The following ADAM7 variants were observed in gnomAD, a reference collection of about 807,000 sequenced individuals.
ADAM7 encodes the protein ADAM metallopeptidase domain 7, also known as disintegrin and metalloproteinase domain-containing protein 7.
In ADAM7, 97 loss-of-function variants were observed where a neutral mutation model predicts 102.9. The observed-to-expected ratio is 0.94, with a 90% CI of 0.80 to 1.12. The LOEUF is 1.12. ADAM7 is among the 50% of genes most tolerant of loss of function. The pLI is 0.00. For missense variants in ADAM7, 991 were observed against 908.7 expected, an observed-to-expected ratio of 1.09 and a Z score of -1.16; for synonymous variants, 334 against 304.4, an observed-to-expected ratio of 1.10 and a Z score of -1.01.
intron 20 of ADAM7, among the ~76,000 whole-genome samples, chr8:24,503,720 T>A: frequency 6.6e-6 from 1 of 152,136 alleles, no homozygotes; most frequent in East Asian, 1.9e-4. Flanking sequence ...GTTCATGTCC[T>A]TTGCAGGGAC....
At chr8:24,449,775 G>T (rs1336101880) in intron 3 of ADAM7, among the ~76,000 whole-genome samples, 1 of 152,096 alleles carries the variant, frequency 6.6e-6, no homozygotes, top group Non-Finnish European at 1.5e-5. Context: ...GGGTTTTTAT[G>T]GCTTTAGGTC....
At chr8:24,442,136 T>TC (rs558209592) in intron 1 of ADAM7, among the ~76,000 whole-genome samples, 3,179 of 152,272 alleles carry the variant, frequency 0.021, 55 homozygotes, top group Middle Eastern at 0.095. Flanking sequence ...ATCACGCCAC[T>TC]ACACTCCAGC....
chr8:24,445,719 C>G (rs1563370839), intron 2 of ADAM7, among the ~76,000 whole-genome samples: 2 of 152,184 alleles, frequency 1.3e-5, no homozygotes, highest in Non-Finnish European at 2.9e-5. Flanking sequence ...TTTTGCTTCT[C>G]TTTGTTCATA....
Position 24,463,866 on chromosome 8 carries a change from C to T in ADAM7, c.234-16C>T, listed in dbSNP as rs117555143. On this transcript the variant is annotated splice_polypyrimidine_tract_variant and intron_variant, in intron 3 of 21. Coordinates refer to ENST00000175238, the MANE Select transcript of ADAM7 (RefSeq NM_003817.4). ...AGAACGAACAAATCTCACCACCTGT[C>T]TGCCCTCTTTTTCAGGGAGTTCCTA... 6,222 of 1,605,480 alleles carry T rather than the reference C, an allele frequency of 3.9e-3. 24 individuals are homozygous for T. The highest frequency in any genetic ancestry group is 5.7e-3 in the South Asian group (521 of 90,844).
chr8:24,454,460 G>A (rs998519149), intron 3 of ADAM7, among the ~76,000 whole-genome samples: 2 of 152,198 alleles, frequency 1.3e-5, no homozygotes, highest in Non-Finnish European at 2.9e-5. Context: ...TCCGAGCCAG[G>A]TGCGGGATAT....
chr8:24,506,542 C>T (rs1450550557), intron 20 of ADAM7, among the ~76,000 whole-genome samples: 8 of 152,048 alleles, frequency 5.3e-5, no homozygotes, highest in Non-Finnish European at 1.0e-4. Context: ...GCCCCTGAGA[C>T]CAATGCTTCA....
At position 24,485,274 on chromosome 8, in the gene ADAM7, T is replaced by C. The variant is rs748812532; in HGVS notation, c.876-3T>C. 7 of 1,612,164 alleles carry C rather than the reference T, an allele frequency of 4.3e-6. No individual in the cohort carries two copies. The highest frequency in any genetic ancestry group is 1.3e-5 in the African/African-American group (1 of 74,822). On this transcript the variant is annotated splice_region_variant and splice_polypyrimidine_tract_variant and intron_variant, in intron 9 of 21. Transcript: ENST00000175238. ...GAAGACTATTTTTGCATCTTTTTCA[T>C]AGTGGGAAGTGGCTCTACTCACATG...
At chr8:24,482,514 A>G (rs1255887430) in intron 9 of ADAM7, among the ~76,000 whole-genome samples, 1 of 152,142 alleles carries the variant, frequency 6.6e-6, no homozygotes, top group African/African-American at 2.4e-5. Context: ...TTAGGAGACC[A>G]AAGTAGAAGG....
chr8:24,448,543 GT>G (rs1304106065), intron 3 of ADAM7, among the ~76,000 whole-genome samples: 1 of 152,098 alleles, frequency 6.6e-6, no homozygotes, highest in Admixed American at 6.6e-5. Context: ...GTGATTGGAT[GT>G]TTTTGTAATA....
At position 24,492,528 on chromosome 8, in the gene ADAM7, TG is replaced by T. The variant is rs1295302338; in HGVS notation, c.1587del (p.Met529IlefsTer94). 1.2e-6 allele frequency: 2 copies of T among 1,612,532 alleles called. No homozygotes were observed. The highest frequency in any genetic ancestry group is 2.2e-5 in the South Asian group (2 of 90,838). Reference sequence around the variant, plus strand: ...GAGAGTCATGATATCTGCTACAAGATGAATACAAAAGGAAATAAATTTGGAT... The same window carrying T: ...GAGAGTCATGATATCTGCTACAAGATAATACAAAAGGAAATAAATTTGGAT... Reference protein sequence around the residue: ...AIESHDICYKMNTKGNKFGYC... With the variant: ...AIESHDICYKXNTKGNKFGYC... On this transcript the variant is annotated frameshift_variant, in exon 15 of 22. Transcript: ENST00000175238. LOFTEE classifies it high-confidence loss of function.
rs780144262 is a variant in ADAM7, at chr8:24,493,071, A to T, written c.1684A>T (p.Thr562Ser). 2.5e-6 allele frequency: 4 copies of T among 1,606,264 alleles called. No homozygotes were observed. In the South Asian group the frequency reaches 3.3e-5, roughly 13 times the overall value. ...KDVRCGKIYC[T>S]GGELSSLLGE... ...TGTCAGATGTGGAAAGATCTACTGC[A>T]CTGGAGGGGAGCTTTCCTCTCTCCT... The change falls in exon 16 of 22, where the codon ACT (threonine) becomes TCT (serine). Residue 562 changes from threonine (T) to serine (S), a missense_variant. Coordinates refer to ENST00000175238, the MANE Select transcript of ADAM7 (RefSeq NM_003817.4).
chr8:24,485,024 T>G (rs1440727477), intron 9 of ADAM7, among the ~76,000 whole-genome samples: 2 of 152,094 alleles, frequency 1.3e-5, no homozygotes, highest in Non-Finnish European at 1.5e-5. Context: ...CAGGATGGTC[T>G]CGATCTCTTG....
intron 12 of ADAM7, 25 bp downstream of exon 12, chr8:24,489,358 A>T (rs762649001): frequency 6.3e-6 from 10 of 1,584,938 alleles, no homozygotes; most frequent in Non-Finnish European, 8.6e-6. Context: ...AGCTATCTTT[A>T]AATTGCAAAA....
chr8:24,467,290 G>A (rs779362428), intron 6 of ADAM7: 25 of 404,388 alleles, frequency 6.2e-5, no homozygotes, highest in Middle Eastern at 1.3e-3. Context: ...CTAATCTAGA[G>A]ATAGTGTCTT....
chr8:24,454,708 A>T (rs972613829), intron 3 of ADAM7, among the ~76,000 whole-genome samples: 6 of 152,010 alleles, frequency 3.9e-5, no homozygotes, highest in African/African-American at 1.5e-4. Context: ...TGAACCCGGT[A>T]CCTCAGATGG....
At chr8:24,507,924 T>G (rs1241810173) in intron 21 of ADAM7, among the ~76,000 whole-genome samples, 1 of 152,170 alleles carries the variant, frequency 6.6e-6, no homozygotes, top group East Asian at 1.9e-4. Context: ...AGGAACAGTT[T>G]CCTTCATGAT....
At chr8:24,454,020 C>G (rs952572368) in intron 3 of ADAM7, among the ~76,000 whole-genome samples, 5 of 152,144 alleles carry the variant, frequency 3.3e-5, no homozygotes, top group African/African-American at 9.7e-5. Flanking sequence ...AGTTTTGTCT[C>G]AGAGGAGTAC....
intron 8 of ADAM7, 90 bp from the exon 9 acceptor site, chr8:24,482,052 G>GT: frequency 3.1e-6 from 3 of 972,256 alleles, no homozygotes; most frequent in South Asian, 1.9e-5. Context: ...TCAAATTATT[G>GT]TTTTTTGGGG....
intron 20 of ADAM7, among the ~76,000 whole-genome samples, chr8:24,507,075 T>G (rs755644198): frequency 3.9e-5 from 6 of 152,162 alleles, no homozygotes; most frequent in Non-Finnish European, 8.8e-5. Context: ...GGGAGTTGTA[T>G]GAATGAATTC....
Sources: allele counts gnomAD v4.1 joint callset (sites outside exome capture counted in the v4.1 genomes callset), GRCh38; gene constraint gnomAD v4.1.1; transcripts MANE v1.5; gene names NCBI Gene and HGNC (gene_info 2026-07-23, HGNC 2026-07-21).